The following MAP2K6 variants were observed in gnomAD, a reference collection of about 807,000 sequenced individuals.
MAP2K6 encodes mitogen-activated protein kinase kinase 6, also known as dual specificity mitogen-activated protein kinase kinase 6.
MAP2K6 carries 16 observed loss-of-function variants against 53.7 expected under a neutral mutation model. That is an observed-to-expected ratio of 0.30 (90% CI 0.20 to 0.45). The LOEUF (loss-of-function observed/expected upper bound fraction) is 0.45. Among genes scored for constraint, MAP2K6 ranks in the 20% least tolerant of loss-of-function variants. MAP2K6 has a pLI of 1.00. For missense variants in MAP2K6, 204 were observed against 411.9 expected (o/e 0.50, Z 4.37); for synonymous variants, 132 against 143.1 (o/e 0.92, Z 0.55).
chr17:69,419,851 T>C (rs756496597), intron 1 of MAP2K6, among the ~76,000 whole-genome samples: 24 of 151,300 alleles, frequency 1.6e-4, no homozygotes, highest in Non-Finnish European at 2.6e-4. Flanking sequence ...GAGGTGGAGG[T>C]TGCAATGAGC....
Position 69,524,987 on chromosome 17 carries a change from T to A in MAP2K6, c.741+9T>A. On this transcript the variant is annotated intron_variant, in intron 9 of 11. Coordinates refer to ENST00000590474, the MANE Select transcript of MAP2K6 (RefSeq NM_002758.4). ...GTCTGGGCATCACGATGGTAGTGTA[T>A]GCCAATCATCATGAACTATGAGGTT... The A allele has an allele frequency of 6.2e-7, 1 of 1,608,160 alleles. No individual in the cohort carries two copies. Among genetic ancestry groups the A allele is most frequent in the Non-Finnish European group, 8.5e-7 (1 of 1,174,864 alleles).
At chr17:69,448,906 G>A (rs1199184782) in intron 1 of MAP2K6, among the ~76,000 whole-genome samples, 1 of 152,198 alleles carries the variant, frequency 6.6e-6, no homozygotes, top group African/African-American at 2.4e-5. Flanking sequence ...CAACGGAGGT[G>A]TTAGTAGGTG....
chr17:69,533,064 G>A (rs1021496383), intron 10 of MAP2K6, among the ~76,000 whole-genome samples: 2 of 152,110 alleles, frequency 1.3e-5, no homozygotes, highest in Non-Finnish European at 2.9e-5. Context: ...TAGTAACTGG[G>A]ATTACAGGCT....
Position 69,520,211 on chromosome 17 carries a change from T to A in MAP2K6, c.367-59T>A, listed in dbSNP as rs1016028352. On this transcript the variant is annotated intron_variant, in intron 5 of 11. Coordinates refer to ENST00000590474, the MANE Select transcript of MAP2K6 (RefSeq NM_002758.4). The stretch of plus-strand genomic sequence containing the variant: ...GATAGGGTTTACTGTTTTTTTTTTT[T>A]ATTTTTATTTCTCCCTTTTTCATCC... 5.3e-5 allele frequency: 47 copies of A among 887,802 alleles called. 1 individual carries two copies. In the East Asian group the frequency reaches 6.5e-4, roughly 12 times the overall value. 55.0% of individuals were successfully genotyped at this position (887,802 alleles called of 1,614,324 possible).
At chr17:69,500,767 A>AG (rs1472267552) in intron 1 of MAP2K6, among the ~76,000 whole-genome samples, 12 of 139,254 alleles carry the variant, frequency 8.6e-5, no homozygotes, top group African/African-American at 2.7e-4. Context: ...AAAAAAAAAG[A>AG]AAAAAAAAAA....
intron 1 of MAP2K6, among the ~76,000 whole-genome samples, chr17:69,430,652 T>C (rs868254010): frequency 6.6e-6 from 1 of 152,308 alleles, no homozygotes; most frequent in African/African-American, 2.4e-5. Context: ...TTATCTTCCA[T>C]GCTGAGTACC....
At chr17:69,453,495 A>G (rs1907299156) in intron 1 of MAP2K6, among the ~76,000 whole-genome samples, 1 of 152,216 alleles carries the variant, frequency 6.6e-6, no homozygotes, top group African/African-American at 2.4e-5. Context: ...TTCGACTGTA[A>G]GACTGATGAT....
chr17:69,502,275 C>A, intron 1 of MAP2K6: 1 of 985,404 alleles, frequency 1.0e-6, no homozygotes, highest in Non-Finnish European at 1.2e-6. Flanking sequence ...TCTGTTTCTC[C>A]TTGCCGAAGT....
In MAP2K6 at chr17:69,536,145, A is replaced by G. The variant is rs141053342; in HGVS notation, c.912A>G (p.Thr304=). 8.1e-5 allele frequency: 131 copies of G among 1,611,720 alleles called. No individual in the cohort carries two copies. In the African/African-American group the frequency reaches 1.3e-3, roughly 16 times the overall value. ...CLKKNSKERP[T]YPELMQHPFF... ...AGAAGAATTCCAAAGAACGGCCTAC[A>G]TACCCAGAGCTAATGGTGAGTATTG... The change falls in exon 11 of 12, where the codon ACA becomes ACG. Residue 304 remains threonine (T), a synonymous_variant. Coordinates refer to ENST00000590474, the MANE Select transcript of MAP2K6 (RefSeq NM_002758.4).
chr17:69,503,173 AC>A (rs1909256592), intron 1 of MAP2K6, among the ~76,000 whole-genome samples: 1 of 152,156 alleles, frequency 6.6e-6, no homozygotes, highest in African/African-American at 2.4e-5. Flanking sequence ...ATTATCTGTC[AC>A]CTGCACTGGA....
intron 2 of MAP2K6, among the ~76,000 whole-genome samples, chr17:69,513,705 G>A (rs1041780486): frequency 2.6e-5 from 4 of 151,990 alleles, no homozygotes; most frequent in Non-Finnish European, 5.9e-5. Context: ...GCTGAGCCCT[G>A]GTATATATAT....
intron 1 of MAP2K6, among the ~76,000 whole-genome samples, chr17:69,449,545 C>CTTTCTTTCTTTGTCTTTCTT (rs1907113756): frequency 9.5e-6 from 1 of 105,626 alleles, no homozygotes; most frequent in Admixed American, 1.0e-4. Flanking sequence ...TTCTTTCTTT[C>CTTTCTTTCTTTGTCTTTCTT]TTTCTTTCTT....
At chr17:69,492,814 G>T (rs1394193838) in intron 1 of MAP2K6, among the ~76,000 whole-genome samples, 6 of 152,118 alleles carry the variant, frequency 3.9e-5, no homozygotes, top group Admixed American at 3.9e-4. Context: ...AATCACATCT[G>T]CAAAAAATTA....
chr17:69,466,843 A>C (rs919561542), intron 1 of MAP2K6, among the ~76,000 whole-genome samples: 5 of 152,182 alleles, frequency 3.3e-5, no homozygotes, highest in Admixed American at 3.3e-4. Context: ...TTATGTTATC[A>C]GTTAAATAGG....
At chr17:69,476,299 C>A (rs1908147163) in intron 1 of MAP2K6, among the ~76,000 whole-genome samples, 1 of 152,126 alleles carries the variant, frequency 6.6e-6, no homozygotes, top group South Asian at 2.1e-4. Flanking sequence ...CCATTCTTCA[C>A]TAAAAAACCC....
At chr17:69,445,796 A>C (rs1390782349) in intron 1 of MAP2K6, among the ~76,000 whole-genome samples, 1 of 152,234 alleles carries the variant, frequency 6.6e-6, no homozygotes, top group Non-Finnish European at 1.5e-5. Context: ...GACAGGACAT[A>C]CACACTACCT....
intron 10 of MAP2K6, among the ~76,000 whole-genome samples, chr17:69,527,461 G>A (rs907350082): frequency 1.3e-4 from 20 of 152,212 alleles, no homozygotes; most frequent in African/African-American, 2.4e-5. Flanking sequence ...TGCCAGGGCA[G>A]TCAAGAAAAG....
At chr17:69,505,374 C>T (rs1302492040) in intron 1 of MAP2K6, 4 of 156,646 alleles carry the variant, frequency 2.6e-5, no homozygotes, top group Admixed American at 2.1e-4. Flanking sequence ...ATCCAGGAGG[C>T]AGAAGTTGCA....
chr17:69,440,741 G>A (rs1356716952), intron 1 of MAP2K6, among the ~76,000 whole-genome samples: 1 of 133,100 alleles, frequency 7.5e-6, no homozygotes, highest in African/African-American at 2.8e-5. Context: ...GTTTTGTTTT[G>A]TTTTTTTTTT....
Sources: gnomAD v4.1 joint callset for allele counts (sites outside exome capture counted in the v4.1 genomes callset) on GRCh38, gnomAD v4.1.1 for gene constraint, MANE v1.5 for transcripts, NCBI Gene and HGNC (gene_info 2026-07-23, HGNC 2026-07-21) for gene names.